The following SNRPD2 variants were observed in gnomAD, a reference collection of about 807,000 sequenced individuals.
The protein encoded by SNRPD2 is small nuclear ribonucleoprotein D2 polypeptide.
Under a neutral mutation model 11.5 loss-of-function variants are expected in SNRPD2, and 1 was observed. The observed-to-expected ratio is 0.09, with a 90% CI of 0.03 to 0.41. SNRPD2 has a LOEUF of 0.41. SNRPD2 is among the 10% of genes least tolerant of loss of function. SNRPD2 has a pLI of 0.98. For missense variants in SNRPD2, 77 were observed against 154.9 expected (o/e 0.50, Z 2.67); for synonymous variants, 63 against 61.5 (o/e 1.02, Z -0.12).
At position 45,688,608 on chromosome 19, in the gene SNRPD2, A is replaced by T. The variant is rs920733938; in HGVS notation, c.3-42T>A. The T allele has an allele frequency of 1.3e-6, 2 of 1,540,742 alleles. No individual in the cohort carries two copies. The highest frequency in any genetic ancestry group is 1.8e-6 in the Non-Finnish European group (2 of 1,114,268). On this transcript the variant is annotated intron_variant, in intron 1 of 2. Transcript: ENST00000342669. This position sits in a 1 kb window ranked among gnomAD's most constrained non-coding sequence, Gnocchi z 4.1. ...GGAACCAATAAGTGAGAGAGGCTGGAGTTGAGAGGCTGGAGCTGTGAGGAT... is the reference window on the plus strand; with the variant it reads ...GGAACCAATAAGTGAGAGAGGCTGGTGTTGAGAGGCTGGAGCTGTGAGGAT...
At chr19:45,689,698 C>T (rs887417719) in intron 1 of SNRPD2, among the ~76,000 whole-genome samples, 10 of 151,212 alleles carry the variant, frequency 6.6e-5, no homozygotes, top group African/African-American at 1.9e-4. Context: ...GGTGACAGAG[C>T]GAGACTCTTG....
upstream of SNRPD2, chr19:45,691,993 C>A: frequency 6.2e-7 from 1 of 1,611,434 alleles, no homozygotes; most frequent in Non-Finnish European, 8.5e-7. Flanking sequence ...CCGTTGGCGC[C>A]TGCGCAAAGC....
At position 45,687,832 on chromosome 19, in the gene SNRPD2, G is replaced by A. The variant is rs1253890768; in HGVS notation, c.183-105C>T. 1 of 930,226 alleles carries A rather than the reference G, an allele frequency of 1.1e-6. No homozygotes were observed. Among genetic ancestry groups the A allele is most frequent in the Non-Finnish European group, 1.7e-6 (1 of 597,750 alleles). The allele number at this position is 930,226 out of a possible 1,614,324, so 57.6% of individuals were successfully genotyped here. A position where few individuals can be genotyped will look rare whatever the true frequency, so the allele number is the denominator to read the frequency against. ...CCCTCCAGCAGCATGGCTTGGGGAA[G>A]GGTGCAGGTGCTAGGCCGGGATGAC... On this transcript the variant is annotated intron_variant, in intron 2 of 2. Coordinates refer to ENST00000342669, the MANE Select transcript of SNRPD2 (RefSeq NM_001384647.1). This position sits in a 1 kb window ranked among gnomAD's most constrained non-coding sequence, Gnocchi z 4.1.
upstream of SNRPD2, chr19:45,692,117 C>T (rs1486509415): frequency 6.5e-6 from 7 of 1,080,410 alleles, no homozygotes; most frequent in African/African-American, 1.1e-4. Context: ...CACACGGGGG[C>T]AGATGTTTAT....
At chr19:45,692,031 T>C (rs1967575626), upstream of SNRPD2, 2 of 1,594,228 alleles carry the variant, frequency 1.3e-6, no homozygotes, top group Admixed American at 1.7e-5. Flanking sequence ...CGTGGCCTGT[T>C]GCCACAGCAT....
At chr19:45,692,069 A>C (rs1345038557), upstream of SNRPD2, 3 of 1,525,122 alleles carry the variant, frequency 2.0e-6, no homozygotes, top group East Asian at 7.0e-5. Flanking sequence ...CAATGATGGA[A>C]TAAAAGCTTC....
At chr19:45,690,727 G>C (rs1600332332) in intron 1 of SNRPD2, 1 of 150,802 alleles carries the variant, frequency 6.6e-6, no homozygotes, top group Non-Finnish European at 1.5e-5. Flanking sequence ...AGCTACTCGG[G>C]AGGCTGAGGC....
At position 45,687,702 on chromosome 19, in the gene SNRPD2, C is replaced by T; in HGVS notation, c.208G>A (p.Val70Met). 6.2e-7 allele frequency: 1 copy of T among 1,614,002 alleles called. No homozygotes were observed. Among genetic ancestry groups the T allele is most frequent in the Non-Finnish European group, 8.5e-7 (1 of 1,179,978 alleles). ...DRHCNMVLEN[V>M]KEMWTEVPKS... ...GGTACCTCAGTCCACATCTCCTTCA[C>T]GTTCTCCAGCACCATGTTGCAGTGC... is the stretch of plus-strand genomic sequence containing the variant. The change falls in exon 3 of 3, where the codon GTG becomes ATG. Residue 70 changes from valine (V) to methionine (M), a missense_variant. By Grantham distance (21) the Val-to-Met change is conservative. Transcript: ENST00000342669. The surrounding 1 kb of genome is among the most constrained non-coding windows in gnomAD (Gnocchi z 4.1).
In SNRPD2 at chr19:45,688,802, G is replaced by A. The variant is rs552461802; in HGVS notation, c.3-236C>T. Among the ~76,000 whole-genome samples, 2 of 151,046 alleles carry A rather than the reference G, an allele frequency of 1.3e-5. No individual in the cohort carries two copies. Among genetic ancestry groups the A allele is most frequent in the African/African-American group, 4.9e-5 (2 of 41,020 alleles). ...GGCTGGAGCGCAGTGATGTGATCTC[G>A]GCTCACTGCAACCTCTGCCTCCTGG... On this transcript the variant is annotated intron_variant, in intron 1 of 2. Transcript: ENST00000342669. The surrounding 1 kb of genome is among the most constrained non-coding windows in gnomAD (Gnocchi z 4.1).
Position 45,688,333 on chromosome 19 carries a change from C to T in SNRPD2, c.182+54G>A. 3 of 1,492,136 alleles carry T rather than the reference C, an allele frequency of 2.0e-6. No homozygotes were observed. Among genetic ancestry groups the T allele is most frequent in the Non-Finnish European group, 1.9e-6 (2 of 1,074,610 alleles). The allele number at this position is 1,492,136 out of a possible 1,614,324, so 92.4% of individuals were successfully genotyped here. A position where few individuals can be genotyped will look rare whatever the true frequency, so the allele number is the denominator to read the frequency against. ...TGTCTTTGAGCTCTTCAGACTGGAG[C>T]TGGAGTGGCCTCTCCAGGCCTGCGG... is the stretch of plus-strand genomic sequence containing the variant. On this transcript the variant is annotated intron_variant, in intron 2 of 2. Coordinates refer to ENST00000342669, the MANE Select transcript of SNRPD2 (RefSeq NM_001384647.1). The surrounding 1 kb of genome is among the most constrained non-coding windows in gnomAD (Gnocchi z 4.1).
intron 1 of SNRPD2, among the ~76,000 whole-genome samples, chr19:45,689,569 G>A (rs1967486532): frequency 6.6e-6 from 1 of 152,116 alleles, no homozygotes; most frequent in African/African-American, 2.4e-5. Flanking sequence ...AAATTAGCCA[G>A]GCGTGGTGGT....
intron 1 of SNRPD2, chr19:45,690,730 G>A (rs1967519602): frequency 6.6e-6 from 1 of 151,584 alleles, no homozygotes; most frequent in Admixed American, 6.6e-5. Context: ...TACTCGGGAG[G>A]CTGAGGCAGG....
intron 1 of SNRPD2, 65 bp downstream of exon 1, chr19:45,691,822 C>G: frequency 6.2e-7 from 1 of 1,600,870 alleles, no homozygotes; most frequent in Non-Finnish European, 8.6e-7. Context: ...ACCCTTCCCA[C>G]ACTCAATCGG....
chr19:45,689,850 G>A (rs116119266), intron 1 of SNRPD2, among the ~76,000 whole-genome samples: 1,753 of 152,002 alleles, frequency 0.012, 40 homozygotes, highest in African/African-American at 0.04. Flanking sequence ...CCCAGGGCAA[G>A]ATGGTGAAAC....
rs971555751 is a variant in SNRPD2, at chr19:45,688,140, C to T, written c.182+247G>A. ...TAGCTGTGAATACAGGCGTGCACCA[C>T]CACGCCTGGCTTTTATATTTTTAGT... On this transcript the variant is annotated intron_variant, in intron 2 of 2. Transcript: ENST00000342669. This position sits in a 1 kb window ranked among gnomAD's most constrained non-coding sequence, Gnocchi z 4.1. Among the ~76,000 whole-genome samples the T allele has an allele frequency of 1.3e-5, 2 of 152,214 alleles. No homozygotes were observed. The highest frequency in any genetic ancestry group is 6.5e-5 in the Admixed American group (1 of 15,272).
upstream of SNRPD2, chr19:45,692,083 TAGGGGTTCGCGGCC>T: frequency 6.8e-7 from 1 of 1,479,620 alleles, no homozygotes; most frequent in Non-Finnish European, 9.0e-7. Context: ...AAGCTTCGGG[TAGGGGTTCGCGGCC>T]AGTCAGAACC....
chr19:45,689,971 A>C (rs1374931981), intron 1 of SNRPD2, among the ~76,000 whole-genome samples: 1 of 151,480 alleles, frequency 6.6e-6, no homozygotes, highest in Non-Finnish European at 1.5e-5. Flanking sequence ...CCAGCAGCGA[A>C]GGTTGCAGTG....
chr19:45,688,675 CCCA>C lies in SNRPD2; in HGVS notation c.3-112_3-110del, dbSNP rs1190705001. 7.8e-6 allele frequency: 6 copies of C among 765,222 alleles called. No homozygotes were observed. Among genetic ancestry groups the C allele is most frequent in the Middle Eastern group, 2.4e-4 (1 of 4,174 alleles). 47.4% of individuals were successfully genotyped at this position (765,222 alleles called of 1,614,324 possible). On this transcript the variant is annotated intron_variant, in intron 1 of 2. Coordinates refer to ENST00000342669, the MANE Select transcript of SNRPD2 (RefSeq NM_001384647.1). This position sits in a 1 kb window ranked among gnomAD's most constrained non-coding sequence, Gnocchi z 4.1. ...GGCTTCAGTGTCTCCCCAACCTTGTCCCACCACATCTGTCCTCCTGTTCAGCCT... is the reference window on the plus strand; with the variant it reads ...GGCTTCAGTGTCTCCCCAACCTTGTCCCACATCTGTCCTCCTGTTCAGCCT...
chr19:45,691,626 C>G (rs1041556047), intron 1 of SNRPD2: 1 of 525,060 alleles, frequency 1.9e-6, no homozygotes, highest in Non-Finnish European at 3.5e-6. Context: ...CCGCCTTGGC[C>G]TACTAAAGTG....
Sources: allele counts gnomAD v4.1 joint callset (sites outside exome capture counted in the v4.1 genomes callset), GRCh38; gene constraint gnomAD v4.1.1; non-coding constraint Gnocchi (gnomAD v3.1); transcripts MANE v1.5; gene names NCBI Gene and HGNC (gene_info 2026-07-23, HGNC 2026-07-21).